Variants in HSD17B14 observed in about 807,000 individuals in gnomAD.
The protein encoded by HSD17B14 is hydroxysteroid 17-beta dehydrogenase 14.
HSD17B14 carries 32 observed loss-of-function variants against 32.2 expected under a neutral mutation model. That is an observed-to-expected ratio of 0.99 (90% CI 0.75 to 1.33). HSD17B14 has a LOEUF of 1.33. HSD17B14 is among the 40% of genes most tolerant of loss of function. HSD17B14 has a pLI of 0.00. For missense variants in HSD17B14, 370 were observed against 366.5 expected (o/e 1.01, Z -0.08); for synonymous variants, 140 against 155.4 (o/e 0.90, Z 0.74).
chr19:48,835,906 G>A (rs2035501935), intron 1 of HSD17B14, 63 bp from the exon 2 acceptor site: 1 of 1,498,190 alleles, frequency 6.7e-7, no homozygotes, highest in South Asian at 1.1e-5. Flanking sequence ...CCGCCCTCTT[G>A]TGGCCACCTG....
intron 5 of HSD17B14, among the ~76,000 whole-genome samples, chr19:48,828,450 T>G (rs2035286765): frequency 6.6e-6 from 1 of 151,652 alleles, no homozygotes; most frequent in East Asian, 1.9e-4. Flanking sequence ...AGACCCTGTC[T>G]CTACAAAAAA....
chr19:48,818,270 C>T (rs2035088910), intron 5 of HSD17B14, among the ~76,000 whole-genome samples: 2 of 146,634 alleles, frequency 1.4e-5, no homozygotes, highest in Non-Finnish European at 3.0e-5. Context: ...ACAATCGCAC[C>T]ACTGCACTCC....
At position 48,832,678 on chromosome 19, in the gene HSD17B14, T is replaced by G. The variant is rs1239630611; in HGVS notation, c.265A>C (p.Asn89His). Residue 89 changes from asparagine to histidine, a missense_variant, in exon 4 of 9, where the codon AAC (asparagine) becomes CAC (histidine). Physicochemically the swap from Asn to His is moderately conservative, Grantham distance 68. Transcript: ENST00000263278. Reference sequence around the variant, plus strand: ...TCTCACAACTCACGGTGGCCAGCGTTGTTGACAACACAATCCAGGCGGCCA... The same window carrying G: ...TCTCACAACTCACGGTGGCCAGCGTGGTTGACAACACAATCCAGGCGGCCA... ...RFGRLDCVVN[N>H]AGHHPPPQRP... The G allele has an allele frequency of 3.7e-6, 6 of 1,612,832 alleles. No individual in the cohort carries two copies. Among genetic ancestry groups the G allele is most frequent in the Non-Finnish European group, 5.1e-6 (6 of 1,179,830 alleles).
At chr19:48,818,319 AAAAAAG>A (rs1476244092) in intron 5 of HSD17B14, among the ~76,000 whole-genome samples, 31,209 of 144,464 alleles carry the variant, frequency 0.22, 3,491 homozygotes, top group Admixed American at 0.25. Flanking sequence ...AAAAAAAAAG[AAAAAAG>A]AAAAAAGAAA....
At position 48,834,187 on chromosome 19, in the gene HSD17B14, G is replaced by GT. The variant is rs143818515; in HGVS notation, c.210+88dup. On this transcript the variant is annotated intron_variant, in intron 3 of 8. Coordinates refer to ENST00000263278, the MANE Select transcript of HSD17B14 (RefSeq NM_016246.3). ...AGCGGAGCCAGGAGAGGAAGGAAAA[G>GT]TAGAGGGAAAGGCATATGCAAATGG... 2,431 of 1,066,820 alleles carry GT rather than the reference G, an allele frequency of 2.3e-3. 50 individuals are homozygous for GT. The African/African-American group carries it at 0.035, about 15-fold the overall frequency. The allele number at this position is 1,066,820 out of a possible 1,614,324, so 66.1% of individuals were successfully genotyped here. A position where few individuals can be genotyped will look rare whatever the true frequency, so the allele number is the denominator to read the frequency against.
intron 5 of HSD17B14, among the ~76,000 whole-genome samples, chr19:48,816,005 A>G (rs2035043832): frequency 6.9e-6 from 1 of 144,118 alleles, no homozygotes; most frequent in Non-Finnish European, 1.5e-5. Flanking sequence ...TGGGCAACAG[A>G]GCAAGACTCC....
intron 5 of HSD17B14, among the ~76,000 whole-genome samples, chr19:48,827,740 C>T (rs1379622605): frequency 2.0e-5 from 3 of 151,850 alleles, no homozygotes; most frequent in African/African-American, 7.3e-5. Flanking sequence ...GGGGTCTCAC[C>T]ATATTGGACA....
In HSD17B14 at chr19:48,835,957, C is replaced by A. The variant is rs183692639; in HGVS notation, c.89-114G>T. 2,087 of 882,678 alleles carry A rather than the reference C, an allele frequency of 2.4e-3. 36 individuals carry two copies. The highest frequency in any genetic ancestry group is 0.023 in the South Asian group (1,496 of 65,868). The allele number at this position is 882,678 out of a possible 1,614,324, so 54.7% of individuals were successfully genotyped here. A position where few individuals can be genotyped will look rare whatever the true frequency, so the allele number is the denominator to read the frequency against. On this transcript the variant is annotated intron_variant, in intron 1 of 8. Coordinates refer to ENST00000263278, the MANE Select transcript of HSD17B14 (RefSeq NM_016246.3). ...CCCTCTCCCCTCGTGACCCCAGTCT[C>A]ATGATCACCCATAGGACAGAGGGCA...
chr19:48,817,270 C>T (rs911615919), intron 5 of HSD17B14, among the ~76,000 whole-genome samples: 5 of 151,938 alleles, frequency 3.3e-5, no homozygotes, highest in Admixed American at 6.6e-5. Context: ...CTCCTCCCCC[C>T]AGGTTCAAGC....
intron 5 of HSD17B14, among the ~76,000 whole-genome samples, chr19:48,827,517 G>A (rs2035270142): frequency 6.6e-6 from 1 of 151,886 alleles, no homozygotes; most frequent in Non-Finnish European, 1.5e-5. Flanking sequence ...AAGGGTGAGG[G>A]AAAGGCTTTG....
chr19:48,813,534 G>C lies in HSD17B14; in HGVS notation c.561C>G (p.Ile187Met). The change falls in exon 8 of 9, where the codon ATC becomes ATG. Residue 187 changes from isoleucine to methionine, a missense_variant. Transcript: ENST00000263278. ...VRVNCISPGN[I>M]WTPLWEELAA... Reference sequence around the variant, plus strand: ...CCAGCTCCTCCCACAGCGGGGTCCAGATGTTTCCTGGGGAGATACTAGAGG... The same window carrying C: ...CCAGCTCCTCCCACAGCGGGGTCCACATGTTTCCTGGGGAGATACTAGAGG... 6.2e-7 allele frequency: 1 copy of C among 1,614,148 alleles called. No homozygotes were observed. The highest frequency in any genetic ancestry group is 8.5e-7 in the Non-Finnish European group (1 of 1,180,014).
chr19:48,834,124 G>A, intron 3 of HSD17B14, 152 bp downstream of exon 3: 3 of 642,970 alleles, frequency 4.7e-6, no homozygotes, highest in Non-Finnish European at 8.4e-6. Flanking sequence ...AAGACCTTGT[G>A]TGTGGAGTGA....
At chr19:48,833,571 A>C (rs1202778582) in intron 3 of HSD17B14, among the ~76,000 whole-genome samples, 1 of 151,976 alleles carries the variant, frequency 6.6e-6, no homozygotes, top group African/African-American at 2.4e-5. Context: ...TCATGCTTGT[A>C]ATCCCAGCAC....
intron 3 of HSD17B14, among the ~76,000 whole-genome samples, chr19:48,833,388 G>A (rs1294304582): frequency 1.3e-5 from 2 of 152,084 alleles, no homozygotes; most frequent in Non-Finnish European, 2.9e-5. Flanking sequence ...AGAAATAATG[G>A]AGAAAAAATC....
intron 5 of HSD17B14, among the ~76,000 whole-genome samples, chr19:48,820,771 G>A (rs1311818223): frequency 6.6e-6 from 1 of 151,864 alleles, no homozygotes; most frequent in African/African-American, 2.4e-5. Flanking sequence ...GGGAGGCAGA[G>A]GCGGGAGGAT....
chr19:48,829,315 T>G (rs952648122), intron 5 of HSD17B14, among the ~76,000 whole-genome samples: 2 of 150,476 alleles, frequency 1.3e-5, no homozygotes, highest in East Asian at 2.0e-4. Context: ...CAGCCTCCCG[T>G]GTAGCTGGGA....
chr19:48,824,132 G>A (rs1484092654), intron 5 of HSD17B14, among the ~76,000 whole-genome samples: 1 of 147,912 alleles, frequency 6.8e-6, no homozygotes, highest in Non-Finnish European at 1.5e-5. Flanking sequence ...GTACATGTCT[G>A]TAGTCCAGCT....
intron 3 of HSD17B14, among the ~76,000 whole-genome samples, chr19:48,833,560 C>T (rs898631364): frequency 4.6e-5 from 7 of 151,820 alleles, no homozygotes; most frequent in Non-Finnish European, 8.8e-5. Context: ...GACACGGTGG[C>T]TCATGCTTGT....
intron 5 of HSD17B14, among the ~76,000 whole-genome samples, chr19:48,822,214 T>C (rs974860107): frequency 3.1e-5 from 4 of 130,186 alleles, no homozygotes; most frequent in East Asian, 2.6e-4. Flanking sequence ...GATGGTGAGG[T>C]TGGGGATGGT....
Sources: gnomAD v4.1 joint callset for allele counts (sites outside exome capture counted in the v4.1 genomes callset) on GRCh38, gnomAD v4.1.1 for gene constraint, MANE v1.5 for transcripts, NCBI Gene and HGNC (gene_info 2026-07-23, HGNC 2026-07-21) for gene names.